Variants in PAPPA observed in about 807,000 individuals in gnomAD.
PAPPA encodes the protein pappalysin 1.
In PAPPA, 60 loss-of-function variants were observed where a neutral mutation model predicts 164.0. That is an observed-to-expected ratio of 0.37 (90% CI 0.30 to 0.45). PAPPA has a LOEUF of 0.45. PAPPA is among the 20% of genes least tolerant of loss of function. The pLI, the probability that PAPPA is intolerant of heterozygous loss-of-function variation, is 1.00. For missense variants in PAPPA, 1,782 were observed against 2,087.3 expected (o/e 0.85, Z 2.85); for synonymous variants, 875 against 814.1 (o/e 1.07, Z -1.27).
intron 6 of PAPPA, among the ~76,000 whole-genome samples, chr9:116,228,146 C>A (rs1298571462): frequency 1.3e-5 from 2 of 152,176 alleles, no homozygotes; most frequent in Non-Finnish European, 1.5e-5. Context: ...TCAGGCTTAC[C>A]AAGGAACCAA....
At chr9:116,361,015 A>G (rs1257869283) in intron 17 of PAPPA, among the ~76,000 whole-genome samples, 8 of 152,196 alleles carry the variant, frequency 5.3e-5, no homozygotes, top group Non-Finnish European at 8.8e-5. Context: ...TAGCAGACAG[A>G]AGGAGCAGTG....
chr9:116,383,289 A>G (rs972336345), intron 21 of PAPPA, among the ~76,000 whole-genome samples: 11 of 152,182 alleles, frequency 7.2e-5, no homozygotes, highest in African/African-American at 2.7e-4. Context: ...CTTGTGATGA[A>G]TGAGTTAATG....
rs115285812 is a variant in PAPPA, at chr9:116,377,266, G to A, written c.4606-310G>A. On this transcript the variant is annotated intron_variant, in intron 19 of 21. Transcript: ENST00000328252. ...CTTATCCCAACTCCACGAATGGGTC[G>A]AATATTAGTCGAGAATTTTCTGAAA... 9.6e-3 allele frequency among the ~76,000 whole-genome samples: 1,461 copies of A among 151,926 alleles called. 35 individuals carry two copies. Among genetic ancestry groups the A allele is most frequent in the African/African-American group, 0.034 (1,411 of 41,374 alleles).
At chr9:116,296,638 A>G (rs909997487) in intron 9 of PAPPA, among the ~76,000 whole-genome samples, 3 of 152,186 alleles carry the variant, frequency 2.0e-5, no homozygotes, top group African/African-American at 7.2e-5. Flanking sequence ...AATAGAGAAG[A>G]CTTGCAAAGG....
intron 2 of PAPPA, among the ~76,000 whole-genome samples, chr9:116,198,710 C>G (rs945937650): frequency 6.6e-6 from 1 of 152,150 alleles, no homozygotes; most frequent in Admixed American, 6.5e-5. Context: ...TGCCAGGAAC[C>G]AGGTGTTCTG....
At chr9:116,155,858 T>TC (rs1006378230) in intron 1 of PAPPA, among the ~76,000 whole-genome samples, 7 of 150,298 alleles carry the variant, frequency 4.7e-5, no homozygotes, top group African/African-American at 1.7e-4. Context: ...ATACAGTGAT[T>TC]CCCCCCAACA....
intron 13 of PAPPA, among the ~76,000 whole-genome samples, chr9:116,335,745 C>T (rs1471240988): frequency 2.0e-5 from 3 of 152,186 alleles, no homozygotes; most frequent in Admixed American, 1.3e-4. Context: ...TGAACCTCCA[C>T]ATTACCACTT....
chr9:116,285,171 CTT>C, intron 9 of PAPPA, among the ~76,000 whole-genome samples: 22 of 89,478 alleles, frequency 2.5e-4, no homozygotes, highest in African/African-American at 7.7e-4. Flanking sequence ...TTCTTTCTTT[CTT>C]TTTTTTTTTT....
At position 116,396,592 on chromosome 9, in the gene PAPPA, C is replaced by T; in HGVS notation, c.4860C>T (p.Asp1620=). ...DPQAQEHSRK[D]LRGYSHG is the part of the protein sequence containing the mutation. Reference sequence around the variant, plus strand: ...AGGCCCAAGAACACAGCCGGAAAGACCTCCGGGGATACAGCCATGGCTAAG... The same window carrying T: ...AGGCCCAAGAACACAGCCGGAAAGATCTCCGGGGATACAGCCATGGCTAAG... Residue 1620 remains aspartate, a synonymous_variant, in exon 22 of 22, where the codon GAC becomes GAT. Coordinates refer to ENST00000328252, the MANE Select transcript of PAPPA (RefSeq NM_002581.5). 4 of 780,846 alleles carry T rather than the reference C, an allele frequency of 5.1e-6. No homozygotes were observed. The highest frequency in any genetic ancestry group is 9.6e-6 in the Non-Finnish European group (4 of 417,988). The allele number at this position is 780,846 out of a possible 1,614,324, so 48.4% of individuals were successfully genotyped here. A position where few individuals can be genotyped will look rare whatever the true frequency, so the allele number is the denominator to read the frequency against.
chr9:116,219,957 T>C lies in PAPPA; in HGVS notation c.1939T>C (p.Phe647Leu). ...SYADDDCTDS[F>L]TPNQVARMHC... ...TGCAGATGACGACTGTACGGACTCC[T>C]TCACGCCCAATCAAGTCGCCAGAAT... The change falls in exon 5 of 22, where the codon TTC (phenylalanine) becomes CTC (leucine). Residue 647 changes from phenylalanine to leucine, a missense_variant. By Grantham distance (22) the Phe-to-Leu change is conservative. Transcript: ENST00000328252. 6.2e-7 allele frequency: 1 copy of C among 1,613,704 alleles called. No individual in the cohort carries two copies. The highest frequency in any genetic ancestry group is 8.5e-7 in the Non-Finnish European group (1 of 1,179,824).
At chr9:116,363,010 G>A (rs899316199) in intron 18 of PAPPA, among the ~76,000 whole-genome samples, 19 of 152,210 alleles carry the variant, frequency 1.2e-4, no homozygotes, top group African/African-American at 4.6e-4. Flanking sequence ...ACTCCCACAG[G>A]AAGGGATGCT....
At chr9:116,211,010 A>G (rs887677176) in intron 3 of PAPPA, among the ~76,000 whole-genome samples, 1 of 152,236 alleles carries the variant, frequency 6.6e-6, no homozygotes, top group African/African-American at 2.4e-5. Flanking sequence ...GTCATTAATC[A>G]TAGAACGTTG....
chr9:116,208,840 G>T (rs567094480), intron 3 of PAPPA, among the ~76,000 whole-genome samples: 52 of 152,250 alleles, frequency 3.4e-4, no homozygotes, highest in Middle Eastern at 3.4e-3. Flanking sequence ...GTGTGTGTGT[G>T]TGCGTGTGTG....
At chr9:116,205,633 G>T (rs1411061490) in intron 2 of PAPPA, among the ~76,000 whole-genome samples, 1 of 152,130 alleles carries the variant, frequency 6.6e-6, no homozygotes, top group Non-Finnish European at 1.5e-5. Context: ...CTTGTCTCCA[G>T]TTGTGTGATC....
intron 9 of PAPPA, among the ~76,000 whole-genome samples, chr9:116,272,106 T>C (rs1429643851): frequency 6.6e-6 from 1 of 151,044 alleles, no homozygotes; most frequent in African/African-American, 2.5e-5. Context: ...GCTGATCTTG[T>C]TGTTTCAGCC....
chr9:116,318,958 C>T (rs1004441955), intron 10 of PAPPA, among the ~76,000 whole-genome samples: 2 of 152,192 alleles, frequency 1.3e-5, no homozygotes, highest in South Asian at 2.1e-4. Context: ...CACAGTCTCC[C>T]GAAAGGGGAA....
intron 9 of PAPPA, among the ~76,000 whole-genome samples, chr9:116,290,367 T>G (rs1425053233): frequency 9.4e-5 from 1 of 10,654 alleles, no homozygotes; most frequent in African/African-American, 1.5e-4. Context: ...TTCTCCATCT[T>G]TTTTTTTTTT....
In PAPPA at chr9:116,154,066, C is replaced by T. The variant is rs1311235875; in HGVS notation, c.-107C>T. ...AAAGCAAGTGGAAAGGGGGGCTCGC[C>T]CAAGAAGGGTGAAGAAGCGAAGAAA... On this transcript the variant is annotated 5_prime_UTR_variant, in exon 1 of 22. Coordinates refer to ENST00000328252, the MANE Select transcript of PAPPA (RefSeq NM_002581.5). The surrounding 1 kb of genome is among the most constrained non-coding windows in gnomAD (Gnocchi z 5.2). 3 of 1,163,108 alleles carry T rather than the reference C, an allele frequency of 2.6e-6. No homozygotes were observed. The highest frequency in any genetic ancestry group is 4.3e-5 in the Admixed American group (1 of 23,104). The allele number at this position is 1,163,108 out of a possible 1,614,324, so 72.0% of individuals were successfully genotyped here.
intron 10 of PAPPA, among the ~76,000 whole-genome samples, chr9:116,322,476 G>C (rs1246362589): frequency 3.3e-5 from 5 of 151,576 alleles, no homozygotes; most frequent in African/African-American, 9.7e-5. Context: ...GCACTGAGGA[G>C]GGAGAACATC....
Sources: gnomAD v4.1 joint callset for allele counts (sites outside exome capture counted in the v4.1 genomes callset) on GRCh38, gnomAD v4.1.1 for gene constraint, Gnocchi (gnomAD v3.1) non-coding constraint, MANE v1.5 for transcripts, NCBI Gene and HGNC (gene_info 2026-07-23, HGNC 2026-07-21) for gene names.